TSPAN15: variants seen among roughly 807,000 people sequenced by gnomAD.
TSPAN15 encodes the protein tetraspanin-15.
TSPAN15 carries 20 observed loss-of-function variants against 34.5 expected under a neutral mutation model. The ratio of observed to expected loss-of-function variants is 0.58; its 90% confidence interval spans 0.41 to 0.84. The LOEUF is 0.84. Among genes scored for constraint, TSPAN15 ranks in the 40% least tolerant of loss-of-function variants. The pLI, the probability that TSPAN15 is intolerant of heterozygous loss-of-function variation, is 0.00. For missense variants in TSPAN15, 313 were observed against 386.1 expected (o/e 0.81, Z 1.59); for synonymous variants, 155 against 153.9 (o/e 1.01, Z -0.05).
intron 3 of TSPAN15, among the ~76,000 whole-genome samples, chr10:69,489,321 G>A (rs1036013561): frequency 2.6e-5 from 4 of 152,108 alleles, no homozygotes; most frequent in African/African-American, 9.7e-5. Flanking sequence ...CTTTTTCAAG[G>A]TGCACTGATT....
chr10:69,539,539 G>GAAGAAGAAGAAGAAGA, the TSPAN15 span, among the ~76,000 whole-genome samples: 4 of 42,694 alleles, frequency 9.4e-5, no homozygotes, highest in Non-Finnish European at 2.0e-4. Context: ...GAAGAAGAAG[G>GAAGAAGAAGAAGAAGA]AGAAGGAGAA....
chr10:69,469,052 G>T (rs952493960), intron 1 of TSPAN15, among the ~76,000 whole-genome samples: 18 of 142,214 alleles, frequency 1.3e-4, no homozygotes, highest in Non-Finnish European at 2.6e-4. Context: ...TAGAGGGCTG[G>T]ACAGAAAGGG....
chr10:69,523,622 C>T, the TSPAN15 span: 5 of 219,242 alleles, frequency 2.3e-5, no homozygotes, highest in Admixed American at 6.0e-5. Flanking sequence ...GCACCCACGC[C>T]GGTGGAAAGC....
chr10:69,495,225 A>T, intron 3 of TSPAN15: 1 of 196,970 alleles, frequency 5.1e-6, no homozygotes. Context: ...TAGAAAGAGC[A>T]CTGGGCCTGG....
rs1443690839 is a variant in TSPAN15, at chr10:69,506,286, G to A, written c.735+46G>A. On this transcript the variant is annotated intron_variant, in intron 7 of 7. Coordinates refer to ENST00000373290, the MANE Select transcript of TSPAN15 (RefSeq NM_012339.5). This position sits in a 1 kb window ranked among gnomAD's most constrained non-coding sequence, Gnocchi z 4.7. Reference sequence around the variant, plus strand: ...GAGAAAGTGTGACTTGGTGATTGCAGAAGGGCAGAGAAGGTGCAGAGGGGA... The same window carrying A: ...GAGAAAGTGTGACTTGGTGATTGCAAAAGGGCAGAGAAGGTGCAGAGGGGA... 6.4e-7 allele frequency: 1 copy of A among 1,556,696 alleles called. No homozygotes were observed.
the TSPAN15 span, among the ~76,000 whole-genome samples, chr10:69,517,178 C>G: frequency 2.0e-5 from 3 of 152,226 alleles, no homozygotes; most frequent in African/African-American, 7.2e-5. Flanking sequence ...TGGCTGCGCT[C>G]TCCCTTCCTC....
At chr10:69,522,924 G>C in the TSPAN15 span, among the ~76,000 whole-genome samples, 1 of 147,746 alleles carries the variant, frequency 6.8e-6, no homozygotes, top group Non-Finnish European at 1.5e-5. Context: ...TTTAAATTTT[G>C]ATGAAGTCCA....
chr10:69,493,229 C>T (rs1047119995), intron 3 of TSPAN15, among the ~76,000 whole-genome samples: 1 of 152,166 alleles, frequency 6.6e-6, no homozygotes, highest in African/African-American at 2.4e-5. Context: ...CTTGTTCTGC[C>T]CAGGCTGCTC....
In TSPAN15 at chr10:69,506,273, C is replaced by G; in HGVS notation, c.735+33C>G. ...GGCCGTGGGTTCAGAGAAAGTGTGA[C>G]TTGGTGATTGCAGAAGGGCAGAGAA... is the stretch of plus-strand genomic sequence containing the variant. On this transcript the variant is annotated intron_variant, in intron 7 of 7. Coordinates refer to ENST00000373290, the MANE Select transcript of TSPAN15 (RefSeq NM_012339.5). This position sits in a 1 kb window ranked among gnomAD's most constrained non-coding sequence, Gnocchi z 4.7. The G allele has an allele frequency of 6.3e-7, 1 of 1,596,114 alleles. No individual in the cohort carries two copies. Among genetic ancestry groups the G allele is most frequent in the Non-Finnish European group, 8.6e-7 (1 of 1,163,926 alleles).
chr10:69,537,781 A>G, the TSPAN15 span, among the ~76,000 whole-genome samples: 1 of 152,220 alleles, frequency 6.6e-6, no homozygotes, highest in Non-Finnish European at 1.5e-5. Flanking sequence ...GAAGCTCTGG[A>G]AAGAGTCCTG....
At chr10:69,541,018 G>A in the TSPAN15 span, among the ~76,000 whole-genome samples, 1 of 152,204 alleles carries the variant, frequency 6.6e-6, no homozygotes, top group Admixed American at 6.5e-5. Context: ...AACATCCCCA[G>A]ACTGAGGAAC....
intron 1 of TSPAN15, among the ~76,000 whole-genome samples, chr10:69,470,286 A>G (rs1054394738): frequency 1.3e-5 from 2 of 152,170 alleles, no homozygotes; most frequent in African/African-American, 4.8e-5. Flanking sequence ...TGGCCACACC[A>G]TGGTTGGCCA....
At chr10:69,507,949 T>C (rs757432884), downstream of TSPAN15, among the ~76,000 whole-genome samples, 1 of 151,954 alleles carries the variant, frequency 6.6e-6, no homozygotes, top group Non-Finnish European at 1.5e-5. Context: ...GAAGCGGAGT[T>C]GCCCACAGGT....
At chr10:69,515,655 G>T in the TSPAN15 span, among the ~76,000 whole-genome samples, 3 of 152,204 alleles carry the variant, frequency 2.0e-5, no homozygotes, top group African/African-American at 4.8e-5. Flanking sequence ...GAAGCACCTG[G>T]AAATATTATG....
chr10:69,504,188 G>C (rs1842274665), intron 5 of TSPAN15, among the ~76,000 whole-genome samples: 1 of 144,186 alleles, frequency 6.9e-6, no homozygotes, highest in African/African-American at 2.7e-5. Flanking sequence ...GCTGCTAGTG[G>C]AGGGGTGGTT....
At chr10:69,477,619 C>T (rs527385269) in intron 1 of TSPAN15, among the ~76,000 whole-genome samples, 14 of 152,360 alleles carry the variant, frequency 9.2e-5, no homozygotes, top group South Asian at 6.2e-4. Flanking sequence ...GCTAGCCACA[C>T]GTGGCTCGTG....
At chr10:69,501,087 G>C (rs1175443349) in intron 5 of TSPAN15, among the ~76,000 whole-genome samples, 1 of 152,244 alleles carries the variant, frequency 6.6e-6, no homozygotes, top group East Asian at 1.9e-4. Context: ...TGAGCCACAG[G>C]AAAGACGGGG....
At chr10:69,453,647 A>T (rs1841022809) in intron 1 of TSPAN15, among the ~76,000 whole-genome samples, 1 of 152,242 alleles carries the variant, frequency 6.6e-6, no homozygotes, top group Non-Finnish European at 1.5e-5. Flanking sequence ...AGGATTAGTG[A>T]TATGGGGAAA....
the TSPAN15 span, among the ~76,000 whole-genome samples, chr10:69,546,497 A>G: frequency 6.6e-6 from 1 of 152,220 alleles, no homozygotes; most frequent in Non-Finnish European, 1.5e-5. Context: ...ACAAGAGGCC[A>G]TCAACTGAAC....
Sources: allele counts gnomAD v4.1 joint callset (sites outside exome capture counted in the v4.1 genomes callset), GRCh38; gene constraint gnomAD v4.1.1; non-coding constraint Gnocchi (gnomAD v3.1); transcripts MANE v1.5; gene names NCBI Gene and HGNC (gene_info 2026-07-23, HGNC 2026-07-21).